Variants in CTNNA3 observed in about 807,000 individuals in gnomAD.
The protein encoded by CTNNA3 is catenin alpha 3.
A neutral mutation model predicts 95.7 loss-of-function variants in CTNNA3; 76 were observed. The observed-to-expected ratio is 0.79, with a 90% confidence interval of 0.66 to 0.96. The LOEUF is 0.96. Among genes scored for constraint, CTNNA3 ranks in the 40% least tolerant of loss-of-function variants. The pLI is 0.00. For missense variants in CTNNA3, 1,191 were observed against 1,089.8 expected, an observed-to-expected ratio of 1.09 and a Z score of -1.31; for synonymous variants, 431 against 374.4, an observed-to-expected ratio of 1.15 and a Z score of -1.74.
intron 13 of CTNNA3, among the ~76,000 whole-genome samples, chr10:66,121,591 T>G (rs1404499793): frequency 2.0e-5 from 3 of 152,164 alleles, no homozygotes; most frequent in South Asian, 2.1e-4. Flanking sequence ...GGTTCATGCC[T>G]GTAATCTCAG....
At chr10:66,483,711 A>G (rs1465803171) in intron 11 of CTNNA3, among the ~76,000 whole-genome samples, 1 of 152,154 alleles carries the variant, frequency 6.6e-6, no homozygotes, top group African/African-American at 2.4e-5. Flanking sequence ...GAATTCTTGC[A>G]TATGTTATAG....
intron 7 of CTNNA3, among the ~76,000 whole-genome samples, chr10:66,932,177 G>C (rs1442617318): frequency 6.6e-6 from 1 of 152,180 alleles, no homozygotes; most frequent in Non-Finnish European, 1.5e-5. Context: ...TACAGTCTAA[G>C]AGGTGATGAT....
intron 12 of CTNNA3, among the ~76,000 whole-genome samples, chr10:66,308,548 A>G (rs1163060090): frequency 6.6e-6 from 1 of 152,190 alleles, no homozygotes; most frequent in African/African-American, 2.4e-5. Context: ...ATAAACAAAA[A>G]CAAAAACTTA....
intron 7 of CTNNA3, among the ~76,000 whole-genome samples, chr10:67,178,132 T>C (rs1180924881): frequency 6.6e-6 from 1 of 152,104 alleles, no homozygotes; most frequent in African/African-American, 2.4e-5. Context: ...AGCCACCTGT[T>C]CTCCCACCCA....
At chr10:66,403,996 A>G (rs2456749) in intron 11 of CTNNA3, among the ~76,000 whole-genome samples, 33,193 of 152,040 alleles carry the variant, frequency 0.22, 4,769 homozygotes, top group African/African-American at 0.42. Flanking sequence ...TCGCTTACTG[A>G]TCAGGAGTTA....
intron 13 of CTNNA3, among the ~76,000 whole-genome samples, chr10:66,149,236 C>T (rs958135711): frequency 1.4e-5 from 2 of 146,468 alleles, no homozygotes; most frequent in African/African-American, 5.0e-5. Context: ...ATATATAACT[C>T]TATATTTATA....
At chr10:67,599,099 T>C (rs1843006159) in intron 3 of CTNNA3, among the ~76,000 whole-genome samples, 1 of 152,180 alleles carries the variant, frequency 6.6e-6, no homozygotes, top group Admixed American at 6.5e-5. Flanking sequence ...AAGGCCACAC[T>C]ATAGAATAAA....
At chr10:67,133,314 T>TATATATATATATATAA in intron 7 of CTNNA3, among the ~76,000 whole-genome samples, 1 of 87,080 alleles carries the variant, frequency 1.1e-5, no homozygotes, top group East Asian at 2.8e-4. Flanking sequence ...CTGATATATA[T>TATATATATATATATAA]ATATATATAT....
At chr10:67,439,377 A>T (rs1353852420) in intron 5 of CTNNA3, among the ~76,000 whole-genome samples, 1 of 152,146 alleles carries the variant, frequency 6.6e-6, no homozygotes, top group Non-Finnish European at 1.5e-5. Context: ...TGTTCAGCTC[A>T]TAAGGAGGTC....
At chr10:66,261,379 T>G (rs1282391891) in intron 13 of CTNNA3, among the ~76,000 whole-genome samples, 1 of 152,174 alleles carries the variant, frequency 6.6e-6, no homozygotes, top group African/African-American at 2.4e-5. Context: ...CTAGTCCTTA[T>G]GTTATATTCC....
intron 5 of CTNNA3, among the ~76,000 whole-genome samples, chr10:67,414,036 G>T (rs2095368153): frequency 6.6e-6 from 1 of 151,876 alleles, no homozygotes; most frequent in Non-Finnish European, 1.5e-5. Context: ...AAGAAAGAAA[G>T]AGAACAAACC....
chr10:66,298,796 AG>A (rs2091820100), intron 12 of CTNNA3, among the ~76,000 whole-genome samples: 1 of 152,194 alleles, frequency 6.6e-6, no homozygotes. Context: ...AGAAGAATAC[AG>A]GATCTTCCAT....
intron 9 of CTNNA3, among the ~76,000 whole-genome samples, chr10:66,697,836 T>C (rs992364701): frequency 5.9e-5 from 9 of 152,142 alleles, no homozygotes; most frequent in Non-Finnish European, 1.5e-5. Flanking sequence ...GTGTATAAAC[T>C]GTGCTAGCAT....
At chr10:66,595,090 G>C (rs1439483592) in intron 10 of CTNNA3, among the ~76,000 whole-genome samples, 3 of 151,834 alleles carry the variant, frequency 2.0e-5, no homozygotes, top group Admixed American at 1.3e-4. Flanking sequence ...AAACACCCAT[G>C]GTCAAAAATA....
rs111734557 is a variant in CTNNA3 at position 67,714,368 on chromosome 10, T to A, written c.-2+49066A>T. Among the ~76,000 whole-genome samples the A allele has an allele frequency of 4.4e-3, 676 of 152,296 alleles. 6 individuals are homozygous for A. Among genetic ancestry groups the A allele is most frequent in the African/African-American group, 0.015 (628 of 41,570 alleles). ...TGTGACCTGGATGCAAGACATGGAG[T>A]CAAAGGAGATCATTCTGGAGCTTTA... is the stretch of plus-strand genomic sequence containing the variant. On this transcript the variant is annotated intron_variant, in intron 1 of 17. Coordinates refer to the CTNNA3 transcript ENST00000684154.
intron 7 of CTNNA3, among the ~76,000 whole-genome samples, chr10:66,818,641 G>C (rs1842179320): frequency 6.6e-6 from 1 of 152,122 alleles, no homozygotes; most frequent in Non-Finnish European, 1.5e-5. Flanking sequence ...GAATGGATTG[G>C]AAGAATTAAT....
intron 5 of CTNNA3, among the ~76,000 whole-genome samples, chr10:67,312,803 C>T (rs1006416406): frequency 1.4e-4 from 22 of 152,166 alleles, no homozygotes; most frequent in African/African-American, 4.8e-4. Flanking sequence ...TGGCCTGAAT[C>T]ATGGAGGGTT....
upstream of CTNNA3, among the ~76,000 whole-genome samples, chr10:67,700,213 A>G (rs1841025041): frequency 6.6e-6 from 1 of 152,246 alleles, no homozygotes; most frequent in African/African-American, 2.4e-5. Context: ...ACAAACAAAA[A>G]GACAGCAGTA....
At chr10:67,558,308 A>G (rs1292269685) in intron 3 of CTNNA3, among the ~76,000 whole-genome samples, 5 of 152,216 alleles carry the variant, frequency 3.3e-5, no homozygotes, top group Non-Finnish European at 7.3e-5. Flanking sequence ...TAAAACTATT[A>G]TACTGCTTAA....
Sources: gnomAD v4.1 joint callset for allele counts (sites outside exome capture counted in the v4.1 genomes callset) on GRCh38, gnomAD v4.1.1 for gene constraint, MANE v1.5 for transcripts, NCBI Gene and HGNC (gene_info 2026-07-23, HGNC 2026-07-21) for gene names.